The following EPHA6 variants were observed in gnomAD, a reference collection of about 807,000 sequenced individuals.
The protein encoded by EPHA6 is EPH receptor A6.
In EPHA6, 50 loss-of-function variants were observed where a neutral mutation model predicts 112.0. The observed-to-expected ratio is 0.45, with a 90% CI of 0.36 to 0.56. EPHA6 has a LOEUF of 0.56. EPHA6 is among the 20% of genes least tolerant of loss of function. The pLI, the probability that EPHA6 is intolerant of heterozygous loss-of-function variation, is 0.00. For missense variants in EPHA6, 1,280 were observed against 1,417.4 expected (o/e 0.90, Z 1.56); for synonymous variants, 529 against 490.7 (o/e 1.08, Z -1.03).
At chr3:97,395,380 G>T (rs1237511251) in intron 5 of EPHA6, among the ~76,000 whole-genome samples, 1 of 151,650 alleles carries the variant, frequency 6.6e-6, no homozygotes, top group African/African-American at 2.4e-5. Flanking sequence ...CAAAATATAG[G>T]TCAGAAGTAT....
intron 14 of EPHA6, among the ~76,000 whole-genome samples, chr3:97,639,291 AT>A (rs1229779113): frequency 6.6e-6 from 1 of 151,934 alleles, no homozygotes; most frequent in African/African-American, 2.4e-5. Flanking sequence ...AAAAAGCAGT[AT>A]TTTCAACTCC....
intron 5 of EPHA6, among the ~76,000 whole-genome samples, chr3:97,309,412 A>G (rs2081453791): frequency 6.6e-6 from 1 of 151,620 alleles, no homozygotes; most frequent in African/African-American, 2.4e-5. Flanking sequence ...AATAGACATT[A>G]AAATAATTGG....
chr3:97,493,702 G>C (rs1265966671), intron 10 of EPHA6, among the ~76,000 whole-genome samples: 2 of 152,006 alleles, frequency 1.3e-5, no homozygotes, highest in African/African-American at 4.8e-5. Flanking sequence ...TGTTATCCAA[G>C]TGTCTTCATG....
intron 3 of EPHA6, among the ~76,000 whole-genome samples, chr3:97,042,644 C>A (rs925095290): frequency 5.9e-5 from 9 of 152,056 alleles, no homozygotes; most frequent in African/African-American, 1.7e-4. Context: ...CCCTGTAGAT[C>A]TAGCCGTGGT....
At chr3:97,303,318 T>C (rs1420340996) in intron 5 of EPHA6, among the ~76,000 whole-genome samples, 1 of 151,918 alleles carries the variant, frequency 6.6e-6, no homozygotes, top group Non-Finnish European at 1.5e-5. Flanking sequence ...GCTAAAAGAA[T>C]TTTGAGAAGG....
At chr3:97,111,121 G>A (rs547282058) in intron 3 of EPHA6, among the ~76,000 whole-genome samples, 1 of 152,100 alleles carries the variant, frequency 6.6e-6, no homozygotes, top group East Asian at 1.9e-4. Context: ...AACTCAGCCA[G>A]GGATTAAAAG....
intron 2 of EPHA6, among the ~76,000 whole-genome samples, chr3:96,870,231 A>G (rs1242001268): frequency 1.3e-5 from 2 of 152,046 alleles, no homozygotes; most frequent in Non-Finnish European, 2.9e-5. Context: ...TGATCTACAA[A>G]CTGAAGAACG....
chr3:97,264,827 G>C (rs946764430), intron 5 of EPHA6, among the ~76,000 whole-genome samples: 1 of 152,172 alleles, frequency 6.6e-6, no homozygotes, highest in Admixed American at 6.5e-5. Flanking sequence ...AGGTGCCCCT[G>C]TCCTAGCAGG....
chr3:97,601,189 T>C (rs555798322), intron 12 of EPHA6, among the ~76,000 whole-genome samples: 1 of 152,270 alleles, frequency 6.6e-6, no homozygotes, highest in South Asian at 2.1e-4. Context: ...AAAGAAACTA[T>C]CAGCACTTTC....
intron 3 of EPHA6, among the ~76,000 whole-genome samples, chr3:97,126,718 TAAAA>T (rs35157365): frequency 6.7e-6 from 1 of 148,404 alleles, no homozygotes; most frequent in Non-Finnish European, 1.5e-5. Flanking sequence ...TCACCTGTGT[TAAAA>T]AAAAAAAAGA....
chr3:97,539,658 C>A (rs142706717), intron 11 of EPHA6, among the ~76,000 whole-genome samples: 1 of 152,234 alleles, frequency 6.6e-6, no homozygotes, highest in Non-Finnish European at 1.5e-5. Context: ...TCTAAATCTG[C>A]AAGGAGCTAG....
intron 16 of EPHA6, among the ~76,000 whole-genome samples, chr3:97,739,053 A>G (rs981361995): frequency 2.6e-5 from 4 of 152,060 alleles, no homozygotes; most frequent in Non-Finnish European, 4.4e-5. Context: ...AAAAGATAGC[A>G]ATATTACCTA....
At chr3:96,897,205 TATACAAACACACACACAC>T (rs1182515702) in intron 2 of EPHA6, among the ~76,000 whole-genome samples, 4 of 139,048 alleles carry the variant, frequency 2.9e-5, no homozygotes, top group Non-Finnish European at 6.0e-5. Context: ...TATCTGTGTA[TATACAAACACACACACAC>T]ACACACACAC....
In EPHA6 at chr3:96,832,311, T is replaced by C. The variant is rs1035174995; in HGVS notation, c.385+17303T>C. 6.6e-5 allele frequency among the ~76,000 whole-genome samples: 10 copies of C among 152,068 alleles called. 1 individual carries two copies. The highest frequency in any genetic ancestry group is 6.6e-4 in the Admixed American group (10 of 15,238). On this transcript the variant is annotated intron_variant, in intron 1 of 17. Transcript: ENST00000389672. ...GGATGGTTAGGTGTAATTTTACTAC[T>C]ACCATCGATAGAATATTAACAATAT...
At chr3:97,732,171 TAACCTCCC>T (rs1051178585) in intron 15 of EPHA6, among the ~76,000 whole-genome samples, 1 of 151,818 alleles carries the variant, frequency 6.6e-6, no homozygotes, top group Non-Finnish European at 1.5e-5. Context: ...TAATTTTACG[TAACCTCCC>T]AACCTCAAAA....
intron 5 of EPHA6, among the ~76,000 whole-genome samples, chr3:97,322,939 C>T (rs2082190356): frequency 1.3e-5 from 2 of 151,980 alleles, no homozygotes; most frequent in African/African-American, 2.4e-5. Context: ...CTTACTACTT[C>T]CATTTACATA....
At chr3:97,058,425 G>A (rs918965617) in intron 3 of EPHA6, among the ~76,000 whole-genome samples, 27 of 152,014 alleles carry the variant, frequency 1.8e-4, no homozygotes, top group African/African-American at 6.5e-4. Context: ...AGACTCTCAA[G>A]TATCTGGGAC....
chr3:97,022,525 C>T (rs1320339917), intron 3 of EPHA6, among the ~76,000 whole-genome samples: 2 of 152,170 alleles, frequency 1.3e-5, no homozygotes, highest in Non-Finnish European at 1.5e-5. Flanking sequence ...TGTGGGTGGG[C>T]TTCAAGACAT....
intron 2 of EPHA6, among the ~76,000 whole-genome samples, chr3:96,953,585 A>C (rs1308632312): frequency 6.6e-6 from 1 of 152,148 alleles, no homozygotes; most frequent in Non-Finnish European, 1.5e-5. Context: ...AGCCAATTCT[A>C]CACTCTTTTC....
Sources: gnomAD v4.1 joint callset for allele counts (sites outside exome capture counted in the v4.1 genomes callset) on GRCh38, gnomAD v4.1.1 for gene constraint, MANE v1.5 for transcripts, NCBI Gene and HGNC (gene_info 2026-07-23, HGNC 2026-07-21) for gene names.